UBA6: variants seen among roughly 807,000 people sequenced by gnomAD.
UBA6 encodes ubiquitin-like modifier-activating enzyme 6.
A neutral mutation model predicts 148.3 loss-of-function variants in UBA6; 87 were observed. The observed-to-expected ratio is 0.59, with a 90% CI of 0.49 to 0.70. UBA6 has a LOEUF of 0.70. Ranked by LOEUF, UBA6 falls within the 30% of genes least tolerant of loss-of-function variation. The pLI is 0.00. For synonymous variants in UBA6, 376 were observed against 401.0 expected, an observed-to-expected ratio of 0.94 and a Z score of 0.75; for missense variants, 1,186 against 1,241.2, an observed-to-expected ratio of 0.96 and a Z score of 0.67.
In UBA6 at chr4:67,639,312, A is replaced by G. The variant is rs547630151; in HGVS notation, c.1555-188T>C. Among the ~76,000 whole-genome samples the G allele has an allele frequency of 6.6e-5, 10 of 152,312 alleles. No individual in the cohort carries two copies. The East Asian group carries it at 1.2e-3, about 18-fold the overall frequency. The stretch of plus-strand genomic sequence containing the variant: ...ACATTCACTGTAATCACACTACATT[A>G]ATAATGCACATTAGTCCAAATAATT... On this transcript the variant is annotated intron_variant, in intron 18 of 32. Transcript: ENST00000322244.
chr4:67,673,818 A>T, intron 6 of UBA6, 41 bp from the exon 7 acceptor site: 1 of 1,427,768 alleles, frequency 7.0e-7, no homozygotes, highest in Non-Finnish European at 9.8e-7. Context: ...AAAATACATA[A>T]TTATTTTTTG....
chr4:67,700,959 C>T, intron 1 of UBA6, 90 bp downstream of exon 1: 1 of 1,527,588 alleles, frequency 6.5e-7, no homozygotes, highest in South Asian at 1.1e-5. Context: ...GCCTCTCGGG[C>T]GCCCCCAGCC....
In UBA6 at chr4:67,629,146, T is replaced by C; in HGVS notation, c.2329-4A>G. ...AGAGGGCATCTGCTGATAAGTCCTGTTTTTAAAAAAGTAATTTTACCAACA... is the reference window on the plus strand; with the variant it reads ...AGAGGGCATCTGCTGATAAGTCCTGCTTTTAAAAAAGTAATTTTACCAACA... On this transcript the variant is annotated splice_region_variant and splice_polypyrimidine_tract_variant and intron_variant, in intron 26 of 32. Coordinates refer to ENST00000322244, the MANE Select transcript of UBA6 (RefSeq NM_018227.6). 6.3e-7 allele frequency: 1 copy of C among 1,599,670 alleles called. No individual in the cohort carries two copies. The highest frequency in any genetic ancestry group is 8.6e-7 in the Non-Finnish European group (1 of 1,168,668).
rs569641073 is a variant in UBA6, at chr4:67,675,190, A to G, written c.466-1413T>C. 1.4e-4 allele frequency among the ~76,000 whole-genome samples: 21 copies of G among 152,254 alleles called. No individual in the cohort carries two copies. The South Asian group carries it at 4.1e-3, about 30-fold the overall frequency. The stretch of plus-strand genomic sequence containing the variant: ...TAGCTTTGGTAATTTCCTCAGGTCT[A>G]TCTTTCAATTCACTAATGTTTATTC... On this transcript the variant is annotated intron_variant, in intron 6 of 32. Transcript: ENST00000322244.
At chr4:67,647,501 TGG>T (rs1385353412) in intron 14 of UBA6, among the ~76,000 whole-genome samples, 5 of 152,124 alleles carry the variant, frequency 3.3e-5, no homozygotes, top group African/African-American at 1.2e-4. Context: ...TTTTTCAGCT[TGG>T]ATATATAATC....
At chr4:67,626,059 A>C (rs1372502451) in intron 28 of UBA6, among the ~76,000 whole-genome samples, 2 of 151,962 alleles carry the variant, frequency 1.3e-5, no homozygotes, top group Non-Finnish European at 2.9e-5. Flanking sequence ...AGAGCTTTTC[A>C]TTCATGGTTT....
At chr4:67,680,991 G>A (rs1056116762) in intron 4 of UBA6, among the ~76,000 whole-genome samples, 6 of 152,142 alleles carry the variant, frequency 3.9e-5, no homozygotes, top group African/African-American at 1.2e-4. Context: ...CTAGCCTCAA[G>A]ATGACTGCAG....
intron 17 of UBA6, 103 bp downstream of exon 17, chr4:67,644,595 T>TTCAG (rs1729377836): frequency 3.0e-6 from 2 of 656,378 alleles, no homozygotes; most frequent in Non-Finnish European, 5.3e-6. Flanking sequence ...TTTAATGCTC[T>TTCAG]ATTTTCAAAA....
intron 13 of UBA6, among the ~76,000 whole-genome samples, chr4:67,655,092 G>C (rs951072934): frequency 6.6e-6 from 1 of 152,054 alleles, no homozygotes; most frequent in Admixed American, 6.5e-5. Context: ...AATAATAATG[G>C]GAGACTTTAA....
At chr4:67,653,872 G>A (rs1042062348) in intron 13 of UBA6, among the ~76,000 whole-genome samples, 3 of 152,162 alleles carry the variant, frequency 2.0e-5, no homozygotes, top group South Asian at 2.1e-4. Context: ...ACCACAGCAC[G>A]AGAACTTCAC....
At chr4:67,648,978 C>T (rs767268643) in intron 14 of UBA6, 90 bp downstream of exon 14, 51 of 1,350,778 alleles carry the variant, frequency 3.8e-5, no homozygotes, top group Admixed American at 2.7e-4. Context: ...ATTTTAAGGT[C>T]GCTTTTCTAA....
rs200739751 is a variant in UBA6 at position 67,631,871 on chromosome 4, C to A, written c.2180G>T (p.Arg727Leu). 1.9e-6 allele frequency: 3 copies of A among 1,611,538 alleles called. No individual in the cohort carries two copies. The South Asian group carries it at 3.3e-5, about 18-fold the overall frequency. ...QLLHCFPLDI[R>L]LKDGSLFWQS... Reference sequence around the variant, plus strand: ...TTTATACTTACTGCCATCTTTTAATCGTATGTCCAGAGGGAAACAGTGAAG... The same window carrying A: ...TTTATACTTACTGCCATCTTTTAATAGTATGTCCAGAGGGAAACAGTGAAG... The change falls in exon 24 of 33, where the codon CGA (arginine) becomes CTA (leucine). Residue 727 changes from arginine to leucine, a missense_variant. By Grantham distance (102) the Arg-to-Leu change is moderately radical. Transcript: ENST00000322244.
chr4:67,696,792 A>G, intron 1 of UBA6, 85 bp from the exon 2 acceptor site: 1 of 1,062,532 alleles, frequency 9.4e-7, no homozygotes, highest in Non-Finnish European at 1.4e-6. Context: ...ACCAGTTACT[A>G]AAGGTTTTCA....
rs1349816932 is a variant in UBA6, at chr4:67,624,107, AAT to A, written c.2840+17_2840+18del. ...TATTTCATTCTCATTATACAAGAGA[AAT>A]AGACTTTCATACATACCTGATTTTA... On this transcript the variant is annotated intron_variant, in intron 30 of 32. Transcript: ENST00000322244. 1.3e-6 allele frequency: 2 copies of A among 1,544,732 alleles called. No individual in the cohort carries two copies. Among genetic ancestry groups the A allele is most frequent in the Non-Finnish European group, 1.7e-6 (2 of 1,147,258 alleles).
At chr4:67,660,964 T>C (rs1046597580) in intron 13 of UBA6, among the ~76,000 whole-genome samples, 1 of 152,184 alleles carries the variant, frequency 6.6e-6, no homozygotes, top group African/African-American at 2.4e-5. Context: ...GATTTAATGA[T>C]TGCCCTATGG....
intron 9 of UBA6, among the ~76,000 whole-genome samples, chr4:67,667,031 C>T (rs1304977757): frequency 6.6e-6 from 1 of 152,132 alleles, no homozygotes; most frequent in Non-Finnish European, 1.5e-5. Context: ...ATTCATCTCT[C>T]CCTCCAAAGA....
At chr4:67,689,741 T>C (rs1016515446) in intron 2 of UBA6, among the ~76,000 whole-genome samples, 2 of 150,294 alleles carry the variant, frequency 1.3e-5, no homozygotes, top group Middle Eastern at 3.4e-3. Flanking sequence ...TCAGACTTTT[T>C]TGTCATATCC....
rs1025844655 is a variant in UBA6, at chr4:67,617,367, C to A, written c.*1630G>T. The A allele has an allele frequency of 5.3e-5, 8 of 152,014 alleles. No homozygotes were observed. The highest frequency in any genetic ancestry group is 1.3e-4 in the Admixed American group (2 of 15,242). 9.4% of individuals were successfully genotyped at this position (152,014 alleles called of 1,614,324 possible). A position where few individuals can be genotyped will look rare whatever the true frequency, so the allele number is the denominator to read the frequency against. ...TATTCCTGGATTCTGTTTTAAGTAACCTTAGTTTTAAATATGACACTTGGG... is the reference window on the plus strand; with the variant it reads ...TATTCCTGGATTCTGTTTTAAGTAAACTTAGTTTTAAATATGACACTTGGG... On this transcript the variant is annotated 3_prime_UTR_variant, in exon 33 of 33. Transcript: ENST00000322244.
In UBA6 at chr4:67,666,229, C is replaced by T. The variant is rs116492823; in HGVS notation, c.794-937G>A. 5.0e-3 allele frequency among the ~76,000 whole-genome samples: 757 copies of T among 152,088 alleles called. 9 individuals carry two copies. The highest frequency in any genetic ancestry group is 0.017 in the African/African-American group (711 of 41,488). On this transcript the variant is annotated intron_variant, in intron 9 of 32. Coordinates refer to ENST00000322244, the MANE Select transcript of UBA6 (RefSeq NM_018227.6). ...AAACATGGTCCGATAACATTTTCAT[C>T]TATATTATGACATATTAGGTAGCTA...
Sources: allele counts gnomAD v4.1 joint callset (sites outside exome capture counted in the v4.1 genomes callset), GRCh38; gene constraint gnomAD v4.1.1; transcripts MANE v1.5; gene names NCBI Gene and HGNC (gene_info 2026-07-23, HGNC 2026-07-21).